The following NMNAT2 variants were observed in gnomAD, a reference collection of about 807,000 sequenced individuals.
NMNAT2 encodes the protein nicotinamide nucleotide adenylyltransferase 2.
Under a neutral mutation model 41.6 loss-of-function variants are expected in NMNAT2, and 11 were observed. The observed-to-expected ratio is 0.26, with a 90% CI of 0.17 to 0.44. The LOEUF (loss-of-function observed/expected upper bound fraction) is 0.44. NMNAT2 is among the 20% of genes least tolerant of loss of function. The pLI, the probability that NMNAT2 is intolerant of heterozygous loss-of-function variation, is 1.00. For missense variants in NMNAT2, 288 were observed against 407.7 expected, an observed-to-expected ratio of 0.71 and a Z score of 2.53; for synonymous variants, 148 against 151.2, an observed-to-expected ratio of 0.98 and a Z score of 0.16.
rs1308859468 is a variant in NMNAT2 at position 183,284,636 on chromosome 1, T to A, written c.529+74A>T. On this transcript the variant is annotated intron_variant, in intron 6 of 10. Transcript: ENST00000287713. ...GCGGTGGGGGGAATGTGCTTGAGGA[T>A]CTTTGCTGAAGGAATGAAGGGAGGA... 3 of 1,272,254 alleles carry A rather than the reference T, an allele frequency of 2.4e-6. No homozygotes were observed. In the African/African-American group the frequency reaches 4.4e-5, roughly 19 times the overall value. The allele number at this position is 1,272,254 out of a possible 1,614,324, so 78.8% of individuals were successfully genotyped here. A position where few individuals can be genotyped will look rare whatever the true frequency, so the allele number is the denominator to read the frequency against.
chr1:183,327,456 A>G (rs916253486), intron 1 of NMNAT2, among the ~76,000 whole-genome samples: 2 of 152,158 alleles, frequency 1.3e-5, no homozygotes, highest in Non-Finnish European at 2.9e-5. Flanking sequence ...CTCAAGCATC[A>G]CCAATCCAGT....
chr1:183,310,031 C>T (rs1662075824), intron 1 of NMNAT2, among the ~76,000 whole-genome samples: 1 of 152,156 alleles, frequency 6.6e-6, no homozygotes, highest in South Asian at 2.1e-4. Context: ...TGGAAATTCG[C>T]TTTGAGCAGT....
At chr1:183,331,986 T>C (rs1430761422) in intron 1 of NMNAT2, among the ~76,000 whole-genome samples, 2 of 152,188 alleles carry the variant, frequency 1.3e-5, no homozygotes, top group Non-Finnish European at 2.9e-5. Flanking sequence ...TTTCACCATG[T>C]TGGCCAGGCT....
chr1:183,266,275 C>T (rs1019166805), intron 8 of NMNAT2, among the ~76,000 whole-genome samples: 1 of 152,102 alleles, frequency 6.6e-6, no homozygotes, highest in African/African-American at 2.4e-5. Flanking sequence ...ATTTGCTTGC[C>T]TTTTTTAGTC....
intron 1 of NMNAT2, among the ~76,000 whole-genome samples, chr1:183,341,748 C>CAAAAAAAAAAAAAAAAA (rs369432128): frequency 1.3e-5 from 1 of 79,794 alleles, no homozygotes; most frequent in Admixed American, 1.5e-4. Flanking sequence ...AAAAAAAAAA[C>CAAAAAAAAAAAAAAAAA]CTGTTTCCTT....
At chr1:183,256,400 C>G (rs1316294165) in intron 10 of NMNAT2, among the ~76,000 whole-genome samples, 3 of 152,038 alleles carry the variant, frequency 2.0e-5, no homozygotes, top group Non-Finnish European at 4.4e-5. Flanking sequence ...CAGAACCAGA[C>G]TCCATCTCAA....
chr1:183,404,942 C>T (rs886655416), intron 1 of NMNAT2, among the ~76,000 whole-genome samples: 2 of 152,202 alleles, frequency 1.3e-5, no homozygotes, highest in African/African-American at 2.4e-5. Flanking sequence ...GATCTCAGGC[C>T]GGGCGAGGTG....
intron 1 of NMNAT2, among the ~76,000 whole-genome samples, chr1:183,417,236 C>T (rs1649280328): frequency 1.3e-5 from 2 of 152,162 alleles, no homozygotes; most frequent in African/African-American, 4.8e-5. Flanking sequence ...TCCCCTACCG[C>T]TGCTGGACCC....
intron 8 of NMNAT2, among the ~76,000 whole-genome samples, chr1:183,269,688 T>C (rs921077317): frequency 6.6e-6 from 1 of 152,214 alleles, no homozygotes; most frequent in Non-Finnish European, 1.5e-5. Context: ...ATGACAACTG[T>C]CTTCTGAGAT....
At chr1:183,341,165 C>T (rs595684) in intron 1 of NMNAT2, among the ~76,000 whole-genome samples, 107,514 of 152,074 alleles carry the variant, frequency 0.71, 38,144 homozygotes, top group East Asian at 0.9. Context: ...CTTTCATCTG[C>T]GGCAGTTTGC....
intron 1 of NMNAT2, among the ~76,000 whole-genome samples, chr1:183,296,660 GCAC>G (rs1277833048): frequency 6.6e-6 from 1 of 151,928 alleles, no homozygotes; most frequent in Non-Finnish European, 1.5e-5. Context: ...TTACAGACGT[GCAC>G]CACCATACCC....
chr1:183,276,080 C>G (rs16860731), intron 8 of NMNAT2, among the ~76,000 whole-genome samples: 5,962 of 152,200 alleles, frequency 0.039, 143 homozygotes, highest in South Asian at 0.12. Context: ...AGGGGATGTT[C>G]CAAAGTCATC....
At chr1:183,351,192 A>C (rs1663039592) in intron 1 of NMNAT2, among the ~76,000 whole-genome samples, 1 of 152,226 alleles carries the variant, frequency 6.6e-6, no homozygotes, top group Admixed American at 6.5e-5. Context: ...TTCTGGAGAT[A>C]ATACTATAAT....
chr1:183,346,385 G>A (rs1054506975), intron 1 of NMNAT2, among the ~76,000 whole-genome samples: 11 of 152,106 alleles, frequency 7.2e-5, no homozygotes, highest in Non-Finnish European at 4.4e-5. Context: ...CACAACCTCC[G>A]TATCTCTGCT....
At chr1:183,264,919 A>AC (rs747714758) in intron 8 of NMNAT2, among the ~76,000 whole-genome samples, 2 of 151,680 alleles carry the variant, frequency 1.3e-5, no homozygotes, top group East Asian at 1.9e-4. Context: ...TTTCTATCTG[A>AC]CCTTGAGCCA....
intron 1 of NMNAT2, among the ~76,000 whole-genome samples, chr1:183,332,525 C>CAGAATGGAGAAAAGGCTT (rs1490636403): frequency 6.6e-6 from 1 of 152,142 alleles, no homozygotes; most frequent in East Asian, 1.9e-4. Flanking sequence ...TGAGGGCAAA[C>CAGAATGGAGAAAAGGCTT]AGAATGGAGA....
chr1:183,349,108 T>G (rs1264242273), intron 1 of NMNAT2, among the ~76,000 whole-genome samples: 1 of 152,248 alleles, frequency 6.6e-6, no homozygotes, highest in Non-Finnish European at 1.5e-5. Context: ...TACACTGTCC[T>G]AGGCACTGGT....
At chr1:183,394,192 A>C (rs1445286760) in intron 1 of NMNAT2, among the ~76,000 whole-genome samples, 1 of 152,220 alleles carries the variant, frequency 6.6e-6, no homozygotes, top group Non-Finnish European at 1.5e-5. Context: ...CTGGCTGGTG[A>C]TGCTACAAAT....
At chr1:183,327,135 C>T (rs4630090) in intron 1 of NMNAT2, among the ~76,000 whole-genome samples, 68,087 of 151,904 alleles carry the variant, frequency 0.45, 16,282 homozygotes, top group East Asian at 0.79. Context: ...ACTGCAACCT[C>T]CGCCTCCCAG....
Sources: gnomAD v4.1 joint callset for allele counts (sites outside exome capture counted in the v4.1 genomes callset) on GRCh38, gnomAD v4.1.1 for gene constraint, MANE v1.5 for transcripts, NCBI Gene and HGNC (gene_info 2026-07-23, HGNC 2026-07-21) for gene names.